The following RAD54B variants were observed in gnomAD, a reference collection of about 807,000 sequenced individuals.
The protein encoded by RAD54B is DNA repair and recombination protein RAD54B.
Under a neutral mutation model 95.8 loss-of-function variants are expected in RAD54B, and 78 were observed. The observed-to-expected ratio is 0.81, with a 90% CI of 0.68 to 0.98. The LOEUF is 0.98. RAD54B is among the 50% of genes least tolerant of loss of function. The pLI, the probability that RAD54B is intolerant of heterozygous loss-of-function variation, is 0.00. For synonymous variants in RAD54B, 328 were observed against 354.9 expected (o/e 0.92, Z 0.85); for missense variants, 957 against 1,056.6 (o/e 0.91, Z 1.31).
chr8:94,467,312 A>T, intron 2 of RAD54B, 93 bp downstream of exon 2: 1 of 1,111,004 alleles, frequency 9.0e-7, no homozygotes, highest in Non-Finnish European at 1.2e-6. Flanking sequence ...AAATTCCTAC[A>T]GGCAGAAAAT....
chr8:94,402,700 A>G (rs746995414), intron 6 of RAD54B, among the ~76,000 whole-genome samples: 1 of 152,196 alleles, frequency 6.6e-6, no homozygotes, highest in Non-Finnish European at 1.5e-5. Flanking sequence ...AGAGTCTCTG[A>G]ATGATTTTAA....
At chr8:94,393,622 T>C (rs756713886) in intron 9 of RAD54B, 121 bp downstream of exon 9, 12 of 934,022 alleles carry the variant, frequency 1.3e-5, no homozygotes, top group Non-Finnish European at 1.9e-5. Flanking sequence ...AAACGAAGGA[T>C]TGTGGAGAAA....
chr8:94,400,556 G>A (rs1811245966), intron 6 of RAD54B, 93 bp from the exon 7 acceptor site: 3 of 1,004,494 alleles, frequency 3.0e-6, no homozygotes, highest in Non-Finnish European at 4.3e-6. Context: ...ATTTTGTAAT[G>A]ACACTGAAGA....
rs765016395 is a variant in RAD54B at position 94,407,574 on chromosome 8, CAGTACTTCCTCCTCCA to C, written c.630_645del (p.Gly211LeufsTer71). 2 of 1,613,994 alleles carry C rather than the reference CAGTACTTCCTCCTCCA, an allele frequency of 1.2e-6. No homozygotes were observed. The highest frequency in any genetic ancestry group is 3.3e-5 in the Admixed American group (2 of 59,978). On this transcript the variant is annotated frameshift_variant, in exon 5 of 15. Transcript: ENST00000336148. LOFTEE classifies it high-confidence loss of function. ...GCAACCTGAGAAGAATGCGAGATAG[CAGTACTTCCTCCTCCA>C]AGCTGAAAACACCTGCCACTGCTGA...
chr8:94,430,539 G>T, intron 3 of RAD54B: 1 of 791,148 alleles, frequency 1.3e-6, no homozygotes, highest in Non-Finnish European at 1.5e-6. Flanking sequence ...ACACCCCCAG[G>T]GTTTCTAATT....
chr8:94,426,190 C>T (rs548987973), intron 3 of RAD54B, among the ~76,000 whole-genome samples: 143 of 151,380 alleles, frequency 9.4e-4, no homozygotes, highest in Non-Finnish European at 1.7e-3. Context: ...TGGCCTCAAG[C>T]GATCCACCCG....
Position 94,387,057 on chromosome 8 carries a change from C to T in RAD54B, c.1912G>A (p.Glu638Lys). ...PADYNPLLFT[E>K]KESGKLQVLS... ...ACCTGTAGTTTTCCTGACTCCTTTT[C>T]AGTAAACAGGAGAGGGTTGTAGTCA... The change falls in exon 11 of 15, where the codon GAA becomes AAA. Residue 638 changes from glutamate to lysine, a missense_variant. Coordinates refer to ENST00000336148, the MANE Select transcript of RAD54B (RefSeq NM_012415.3). The T allele has an allele frequency of 2.5e-6, 4 of 1,613,570 alleles. No homozygotes were observed. The highest frequency in any genetic ancestry group is 3.4e-6 in the Non-Finnish European group (4 of 1,179,660).
In RAD54B at chr8:94,475,007, A is replaced by C. The variant is rs1586049460; in HGVS notation, c.-23T>G. 1 of 152,406 alleles carries C rather than the reference A, an allele frequency of 6.6e-6. No individual in the cohort carries two copies. Among genetic ancestry groups the C allele is most frequent in the Non-Finnish European group, 1.5e-5 (1 of 68,204 alleles). 9.4% of individuals were successfully genotyped at this position (152,406 alleles called of 1,614,324 possible). On this transcript the variant is annotated 5_prime_UTR_variant, in exon 1 of 15. Transcript: ENST00000336148. ...TTCCCCCTGCAGGACGCACCGGCGA[A>C]AATCTGACAGAAACCACTGGCCCTG... is the stretch of plus-strand genomic sequence containing the variant.
chr8:94,432,978 T>G (rs1373097844), intron 3 of RAD54B, among the ~76,000 whole-genome samples: 3 of 152,082 alleles, frequency 2.0e-5, no homozygotes, highest in African/African-American at 7.2e-5. Flanking sequence ...CACCAATCTT[T>G]CCCACAACCC....
At chr8:94,455,662 G>A (rs929995733) in intron 3 of RAD54B, among the ~76,000 whole-genome samples, 2 of 152,170 alleles carry the variant, frequency 1.3e-5, no homozygotes, top group African/African-American at 4.8e-5. Flanking sequence ...CCACAGTCTG[G>A]AAACCAGAAG....
At chr8:94,470,815 G>A (rs1813153055) in intron 1 of RAD54B, among the ~76,000 whole-genome samples, 1 of 151,806 alleles carries the variant, frequency 6.6e-6, no homozygotes, top group African/African-American at 2.4e-5. Context: ...ACAGTAGGGG[G>A]AAAAAGGGAA....
intron 3 of RAD54B, among the ~76,000 whole-genome samples, chr8:94,442,222 T>C (rs114500074): frequency 0.024 from 3,647 of 152,220 alleles, 144 homozygotes; most frequent in African/African-American, 0.082. Flanking sequence ...TGATTAGTGG[T>C]TGCCAGAGGC....
intron 1 of RAD54B, among the ~76,000 whole-genome samples, chr8:94,471,399 A>G (rs1813168722): frequency 6.6e-6 from 1 of 152,342 alleles, no homozygotes; most frequent in South Asian, 2.1e-4. Context: ...AAATAAAAAC[A>G]ATAATGGGTG....
intron 3 of RAD54B, among the ~76,000 whole-genome samples, chr8:94,453,286 T>C (rs1586034485): frequency 6.6e-6 from 1 of 152,164 alleles, no homozygotes; most frequent in South Asian, 2.1e-4. Context: ...CCTAGCATTT[T>C]GGGAGGCTGA....
Position 94,467,455 on chromosome 8 carries a change from C to T in RAD54B, c.85G>A (p.Gly29Ser). Reference protein sequence around the residue: ...KFIPPGRSNPGLNEEITKLNP... With the variant: ...KFIPPGRSNPSLNEEITKLNP... ...AGTTTTGTAATCTCTTCATTCAGAC[C>T]TGGATTACTTCTTCCTGGAGGTATA... The change falls in exon 2 of 15, where the codon GGT becomes AGT. Residue 29 changes from glycine to serine, a missense_variant. Physicochemically the swap from Gly to Ser is moderately conservative, Grantham distance 56. Coordinates refer to ENST00000336148, the MANE Select transcript of RAD54B (RefSeq NM_012415.3). The T allele has an allele frequency of 6.2e-7, 1 of 1,613,350 alleles. No homozygotes were observed.
intron 2 of RAD54B, among the ~76,000 whole-genome samples, chr8:94,461,515 CA>C (rs1011674619): frequency 2.7e-5 from 4 of 149,102 alleles, no homozygotes; most frequent in Admixed American, 6.7e-5. Flanking sequence ...ATAAATTTTC[CA>C]AAAAAAAACC....
intron 10 of RAD54B, among the ~76,000 whole-genome samples, chr8:94,387,629 C>A (rs1586126335): frequency 6.6e-6 from 1 of 152,290 alleles, no homozygotes; most frequent in East Asian, 1.9e-4. Flanking sequence ...AAAACAAGCA[C>A]TATCGTTTAC....
chr8:94,426,286 T>TCA (rs1811941884), intron 3 of RAD54B, among the ~76,000 whole-genome samples: 1 of 151,188 alleles, frequency 6.6e-6, no homozygotes. Flanking sequence ...AAAAAACTCA[T>TCA]ACCCTGTTGA....
chr8:94,414,518 TGA>T (rs1433202289), intron 3 of RAD54B, among the ~76,000 whole-genome samples: 1 of 152,192 alleles, frequency 6.6e-6, no homozygotes, highest in Non-Finnish European at 1.5e-5. Flanking sequence ...CCTAATTTAT[TGA>T]GAGTTTTTAG....
Sources: gnomAD v4.1 joint callset for allele counts (sites outside exome capture counted in the v4.1 genomes callset) on GRCh38, gnomAD v4.1.1 for gene constraint, MANE v1.5 for transcripts, NCBI Gene and HGNC (gene_info 2026-07-23, HGNC 2026-07-21) for gene names.